The following SGCZ variants were observed in gnomAD, a reference collection of about 807,000 sequenced individuals.
SGCZ encodes sarcoglycan zeta, also known as zeta-sarcoglycan.
A neutral mutation model predicts 41.3 loss-of-function variants in SGCZ; 40 were observed. That is an observed-to-expected ratio of 0.97 (90% CI 0.75 to 1.26). The LOEUF (loss-of-function observed/expected upper bound fraction) is 1.26. SGCZ is among the 50% of genes most tolerant of loss of function. SGCZ has a pLI of 0.00. For synonymous variants in SGCZ, 206 were observed against 137.5 expected (o/e 1.50, Z -3.49); for missense variants, 552 against 369.8 (o/e 1.49, Z -4.04).
At chr8:14,705,524 G>A (rs930001902) in intron 1 of SGCZ, among the ~76,000 whole-genome samples, 6 of 151,872 alleles carry the variant, frequency 4.0e-5, no homozygotes, top group Admixed American at 2.0e-4. Context: ...CCTTGTCTCC[G>A]ATGACTCTCA....
chr8:14,213,688 C>G (rs1183444958), intron 4 of SGCZ, among the ~76,000 whole-genome samples: 1 of 151,888 alleles, frequency 6.6e-6, no homozygotes, highest in Non-Finnish European at 1.5e-5. Context: ...TAAATCATAT[C>G]TGTCAGTTTA....
intron 4 of SGCZ, among the ~76,000 whole-genome samples, chr8:14,173,491 A>C (rs933430054): frequency 1.6e-4 from 25 of 152,278 alleles, no homozygotes; most frequent in Non-Finnish European, 2.6e-4. Flanking sequence ...AATGGGACTA[A>C]ATTCGCGTAT....
rs75469465 is a variant in SGCZ at position 14,492,989 on chromosome 8, C to A, written c.234+61743G>T. 9.9e-3 allele frequency among the ~76,000 whole-genome samples: 1,507 copies of A among 152,144 alleles called. 69 individuals are homozygous for A. In the East Asian group the frequency reaches 0.14, roughly 14 times the overall value. ...TTCATTGCTATCATGGGATCTAACC[C>A]CCCAACTCTCTAACCTGGGCTATGG... On this transcript the variant is annotated intron_variant, in intron 2 of 7. Coordinates refer to ENST00000382080, the MANE Select transcript of SGCZ (RefSeq NM_139167.4).
chr8:14,106,080 T>A (rs1418659096), intron 6 of SGCZ, among the ~76,000 whole-genome samples: 1 of 152,186 alleles, frequency 6.6e-6, no homozygotes, highest in East Asian at 1.9e-4. Flanking sequence ...TTTCCTTATA[T>A]CCCATTCATT....
At chr8:14,209,676 G>C (rs1010591519) in intron 4 of SGCZ, among the ~76,000 whole-genome samples, 4 of 151,952 alleles carry the variant, frequency 2.6e-5, no homozygotes, top group African/African-American at 9.7e-5. Flanking sequence ...CTTTTTATTA[G>C]CTATGCCTAT....
At chr8:14,411,308 A>T (rs1236929668) in intron 2 of SGCZ, among the ~76,000 whole-genome samples, 1 of 152,204 alleles carries the variant, frequency 6.6e-6, no homozygotes. Flanking sequence ...AAAAGTTTTT[A>T]CATAAACATT....
At chr8:14,594,544 G>C (rs546045536) in intron 1 of SGCZ, among the ~76,000 whole-genome samples, 1 of 150,182 alleles carries the variant, frequency 6.7e-6, no homozygotes, top group East Asian at 1.9e-4. Context: ...CCATATAAAA[G>C]CATGGTGATG....
intron 1 of SGCZ, among the ~76,000 whole-genome samples, chr8:14,630,465 G>A (rs1016411930): frequency 3.3e-5 from 5 of 151,982 alleles, no homozygotes; most frequent in East Asian, 1.9e-4. Flanking sequence ...ACAGTGTGGC[G>A]ATTCCTCAAG....
intron 1 of SGCZ, among the ~76,000 whole-genome samples, chr8:15,127,458 T>C (rs995785942): frequency 6.6e-6 from 1 of 152,160 alleles, no homozygotes; most frequent in African/African-American, 2.4e-5. Flanking sequence ...AGAGAGCAGT[T>C]CTGGGGTATT....
chr8:15,125,688 T>C (rs1253208447), intron 1 of SGCZ, among the ~76,000 whole-genome samples: 1 of 152,224 alleles, frequency 6.6e-6, no homozygotes, highest in African/African-American at 2.4e-5. Flanking sequence ...ATATGTACTT[T>C]ATAAACTCAT....
At chr8:14,519,828 C>T (rs537193468) in intron 2 of SGCZ, among the ~76,000 whole-genome samples, 54 of 152,028 alleles carry the variant, frequency 3.6e-4, no homozygotes, top group Non-Finnish European at 2.9e-4. Flanking sequence ...TAAAATAAAG[C>T]GTGGCATACC....
intron 2 of SGCZ, among the ~76,000 whole-genome samples, chr8:14,439,893 T>G (rs1447200628): frequency 1.3e-5 from 2 of 152,046 alleles, no homozygotes; most frequent in African/African-American, 4.8e-5. Flanking sequence ...AGTTAACTAT[T>G]CTGTGTCCAA....
chr8:14,966,403 C>T (rs6530817), intron 1 of SGCZ, among the ~76,000 whole-genome samples: 147,679 of 151,808 alleles, frequency 0.97, 71,873 homozygotes, highest in East Asian at 0.99. Flanking sequence ...CAAATAACTA[C>T]ATGTTTATAA....
At chr8:14,355,007 GA>G (rs1258697464) in intron 2 of SGCZ, among the ~76,000 whole-genome samples, 2 of 151,904 alleles carry the variant, frequency 1.3e-5, no homozygotes, top group Non-Finnish European at 2.9e-5. Context: ...AAAGATTACA[GA>G]AGTTTTTCAA....
intron 1 of SGCZ, among the ~76,000 whole-genome samples, chr8:14,692,478 C>A (rs1808830038): frequency 2.6e-5 from 4 of 151,988 alleles, no homozygotes; most frequent in Admixed American, 2.6e-4. Flanking sequence ...TACAGTAATA[C>A]CATATAGGAA....
chr8:14,471,293 A>G (rs1801206823), intron 2 of SGCZ, among the ~76,000 whole-genome samples: 1 of 152,166 alleles, frequency 6.6e-6, no homozygotes, highest in South Asian at 2.1e-4. Context: ...ATAGTGAATA[A>G]TTTGCAGTGC....
At chr8:14,922,547 CG>C (rs576510549) in intron 1 of SGCZ, among the ~76,000 whole-genome samples, 101 of 152,112 alleles carry the variant, frequency 6.6e-4, no homozygotes, top group African/African-American at 2.4e-3. Flanking sequence ...CTCTGCCTCC[CG>C]GGTTCAAGCT....
At chr8:14,345,078 T>A (rs952366680) in intron 2 of SGCZ, among the ~76,000 whole-genome samples, 1 of 152,078 alleles carries the variant, frequency 6.6e-6, no homozygotes, top group South Asian at 2.1e-4. Flanking sequence ...GAATTCCTAT[T>A]AAACAGTAAG....
In SGCZ at chr8:14,301,470, T is replaced by C. The variant is rs1801187089; in HGVS notation, c.336+22633A>G. Among the ~76,000 whole-genome samples, 3 of 152,098 alleles carry C rather than the reference T, an allele frequency of 2.0e-5. 1 individual carries two copies. In the South Asian group the frequency reaches 6.2e-4, roughly 32 times the overall value. On this transcript the variant is annotated intron_variant, in intron 3 of 7. Transcript: ENST00000382080. ...CACTCAGATTCACCCTCGTCTTAGT[T>C]TGCTGTTTTATAGATTACACCTTTC...
Sources: allele counts gnomAD v4.1 joint callset (sites outside exome capture counted in the v4.1 genomes callset), GRCh38; gene constraint gnomAD v4.1.1; transcripts MANE v1.5; gene names NCBI Gene and HGNC (gene_info 2026-07-23, HGNC 2026-07-21).